Variants in UNC5C observed in about 807,000 individuals in gnomAD.
UNC5C encodes the protein netrin receptor UNC5C.
UNC5C carries 47 observed loss-of-function variants against 99.8 expected under a neutral mutation model. That is an observed-to-expected ratio of 0.47 (90% CI 0.37 to 0.60). UNC5C has a LOEUF of 0.60. Among genes scored for constraint, UNC5C ranks in the 20% least tolerant of loss-of-function variants. The pLI, the probability that UNC5C is intolerant of heterozygous loss-of-function variation, is 0.00. For synonymous variants in UNC5C, 487 were observed against 452.2 expected, an observed-to-expected ratio of 1.08 and a Z score of -0.98; for missense variants, 1,062 against 1,165.9, an observed-to-expected ratio of 0.91 and a Z score of 1.30.
At chr4:95,218,903 A>C in intron 9 of UNC5C, 66 bp downstream of exon 9, 3 of 1,483,188 alleles carry the variant, frequency 2.0e-6, no homozygotes, top group Non-Finnish European at 2.7e-6. Flanking sequence ...CACGAACAAA[A>C]AAGATTTTGG....
Position 95,244,948 on chromosome 4 carries a change from A to G in UNC5C, c.943+29T>C, listed in dbSNP as rs749636318. 8.1e-6 allele frequency: 13 copies of G among 1,611,902 alleles called. No individual in the cohort carries two copies. In the South Asian group the frequency reaches 1.4e-4, roughly 18 times the overall value. On this transcript the variant is annotated intron_variant, in intron 6 of 15. Coordinates refer to ENST00000453304, the MANE Select transcript of UNC5C (RefSeq NM_003728.4). ...GCATGTTTCTTGAATAATAGGAGATACTTGGAATGAGAGGACTGGTTTATT... is the reference window on the plus strand; with the variant it reads ...GCATGTTTCTTGAATAATAGGAGATGCTTGGAATGAGAGGACTGGTTTATT...
intron 7 of UNC5C, among the ~76,000 whole-genome samples, chr4:95,236,334 C>CA (rs1223266265): frequency 6.7e-6 from 1 of 149,956 alleles, no homozygotes; most frequent in Non-Finnish European, 1.5e-5. Context: ...ATCGCAAGGA[C>CA]AAAAAACCAA....
At chr4:95,282,986 G>C (rs1741115299) in intron 3 of UNC5C, among the ~76,000 whole-genome samples, 1 of 152,102 alleles carries the variant, frequency 6.6e-6, no homozygotes, top group Non-Finnish European at 1.5e-5. Context: ...AGGAGGGCAG[G>C]AGAAGGTCAG....
chr4:95,548,881 G>C lies in UNC5C; in HGVS notation c.-24C>G, dbSNP rs1019590893. ...ATCGTAGACAGAGGTGTGCCGGGGG[G>C]AGGGGAGGGGGACAGAGAGACGCGC... On this transcript the variant is annotated 5_prime_UTR_variant, in exon 1 of 16. Transcript: ENST00000453304. The C allele has an allele frequency of 6.2e-7, 1 of 1,610,998 alleles. No homozygotes were observed.
At chr4:95,368,178 A>G (rs189574976) in intron 1 of UNC5C, among the ~76,000 whole-genome samples, 166 of 152,266 alleles carry the variant, frequency 1.1e-3, no homozygotes, top group Middle Eastern at 3.4e-3. Flanking sequence ...ATCATAAATG[A>G]GTAGTTCAAT....
chr4:95,184,330 G>C (rs1736742047), intron 13 of UNC5C, among the ~76,000 whole-genome samples: 1 of 152,170 alleles, frequency 6.6e-6, no homozygotes, highest in East Asian at 1.9e-4. Context: ...TCAGGAAATA[G>C]CTACCAGTTC....
At chr4:95,221,260 A>C (rs903080617) in intron 7 of UNC5C, among the ~76,000 whole-genome samples, 1 of 152,198 alleles carries the variant, frequency 6.6e-6, no homozygotes, top group African/African-American at 2.4e-5. Context: ...ACTCACTGTA[A>C]AAGAGGTTGT....
At chr4:95,171,938 G>A (rs1736133877) in intron 14 of UNC5C, among the ~76,000 whole-genome samples, 1 of 151,460 alleles carries the variant, frequency 6.6e-6, no homozygotes, top group Non-Finnish European at 1.5e-5. Context: ...ATTCTAACTG[G>A]TGTGAGATGG....
chr4:95,292,236 CATATATATATAT>C (rs71583696), intron 3 of UNC5C, among the ~76,000 whole-genome samples: 5,614 of 88,682 alleles, frequency 0.063, 313 homozygotes, highest in African/African-American at 0.19. Context: ...CACACACACA[CATATATATATAT>C]ATATATATAT....
chr4:95,239,689 G>A (rs1739260847), intron 7 of UNC5C, among the ~76,000 whole-genome samples: 1 of 152,052 alleles, frequency 6.6e-6, no homozygotes, highest in Non-Finnish European at 1.5e-5. Context: ...GCATGCACAT[G>A]TATGTCTCTA....
At chr4:95,254,107 G>A (rs1396102849) in intron 4 of UNC5C, among the ~76,000 whole-genome samples, 2 of 152,126 alleles carry the variant, frequency 1.3e-5, no homozygotes, top group Non-Finnish European at 2.9e-5. Flanking sequence ...CTTTCAGACT[G>A]TTCTCTCTAA....
At chr4:95,510,295 T>G (rs1722035085) in intron 1 of UNC5C, among the ~76,000 whole-genome samples, 1 of 152,052 alleles carries the variant, frequency 6.6e-6, no homozygotes, top group Non-Finnish European at 1.5e-5. Flanking sequence ...AGTAAATATT[T>G]ATCTTTCAAA....
chr4:95,392,853 T>C (rs546564206), intron 1 of UNC5C, among the ~76,000 whole-genome samples: 3 of 152,150 alleles, frequency 2.0e-5, no homozygotes, highest in Non-Finnish European at 4.4e-5. Flanking sequence ...TGTTTTATAA[T>C]CCAATTCAGT....
rs114823314 is a variant in UNC5C, at chr4:95,289,361, G to A, written c.491-10999C>T. ...AACTGGTCTTGACAAAAAGGCCCTC[G>A]ATCTGTGGAAATTCTGTACTTAGAA... On this transcript the variant is annotated intron_variant, in intron 3 of 15. Coordinates refer to ENST00000453304, the MANE Select transcript of UNC5C (RefSeq NM_003728.4). Among the ~76,000 whole-genome samples the A allele has an allele frequency of 8.5e-3, 1,287 of 152,230 alleles. 16 individuals are homozygous for A. The highest frequency in any genetic ancestry group is 0.028 in the African/African-American group (1,182 of 41,534).
At chr4:95,540,842 T>C (rs1335609509) in intron 1 of UNC5C, among the ~76,000 whole-genome samples, 1 of 152,190 alleles carries the variant, frequency 6.6e-6, no homozygotes, top group African/African-American at 2.4e-5. Flanking sequence ...TGGTTACTTG[T>C]TTGATTTTGA....
At chr4:95,386,271 GGTTA>G (rs1444925657) in intron 1 of UNC5C, among the ~76,000 whole-genome samples, 11 of 151,848 alleles carry the variant, frequency 7.2e-5, no homozygotes, top group African/African-American at 2.4e-4. Flanking sequence ...ACATTGTGCA[GGTTA>G]GTTACTTATG....
rs144860098 is a variant in UNC5C at position 95,221,978 on chromosome 4, T to C, written c.1109-1802A>G. ...ACATTTCATGATATGTTTTGTCAGC[T>C]ACTGGGACTCAAGCTTTGAATGGTA... On this transcript the variant is annotated intron_variant, in intron 7 of 15. Transcript: ENST00000453304. Among the ~76,000 whole-genome samples, 1,338 of 152,296 alleles carry C rather than the reference T, an allele frequency of 8.8e-3. 18 individuals are homozygous for C. The highest frequency in any genetic ancestry group is 0.031 in the Middle Eastern group (9 of 294).
intron 6 of UNC5C, among the ~76,000 whole-genome samples, 190 bp from the exon 7 acceptor site, chr4:95,242,783 A>G (rs1315777159): frequency 6.6e-6 from 1 of 152,152 alleles, no homozygotes; most frequent in Non-Finnish European, 1.5e-5. Context: ...TTTCCTATAG[A>G]GTGTGTGAGT....
intron 14 of UNC5C, among the ~76,000 whole-genome samples, chr4:95,178,934 TTAAAG>T (rs1038021616): frequency 6.6e-6 from 1 of 152,238 alleles, no homozygotes; most frequent in African/African-American, 2.4e-5. Flanking sequence ...GCCTTGAAAG[TTAAAG>T]TAAAATACGT....
Sources: allele counts gnomAD v4.1 joint callset (sites outside exome capture counted in the v4.1 genomes callset), GRCh38; gene constraint gnomAD v4.1.1; transcripts MANE v1.5; gene names NCBI Gene and HGNC (gene_info 2026-07-23, HGNC 2026-07-21).